NCOA1: variants seen among roughly 807,000 people sequenced by gnomAD.
NCOA1 encodes nuclear receptor coactivator 1.
In NCOA1, 35 loss-of-function variants were observed where a neutral mutation model predicts 150.9. The ratio of observed to expected loss-of-function variants is 0.23; its 90% CI spans 0.18 to 0.31. The LOEUF (loss-of-function observed/expected upper bound fraction) is 0.31, where lower values mean the gene tolerates loss of function less well. NCOA1 is among the 10% of genes least tolerant of loss of function. The pLI, the probability that NCOA1 is intolerant of heterozygous loss-of-function variation, is 1.00. For missense variants in NCOA1, 1,491 were observed against 1,749.3 expected (o/e 0.85, Z 2.63); for synonymous variants, 590 against 630.0 (o/e 0.94, Z 0.95).
intron 2 of NCOA1, among the ~76,000 whole-genome samples, chr2:24,568,213 T>G (rs1490969058): frequency 6.6e-6 from 1 of 152,178 alleles, no homozygotes; most frequent in Non-Finnish European, 1.5e-5. Context: ...AATATGGGAT[T>G]TTGTTGTTTT....
rs904636682 is a variant in NCOA1 at position 24,516,715 on chromosome 2, A to G, written c.-396+25113A>G. Among the ~76,000 whole-genome samples, 41 of 149,838 alleles carry G rather than the reference A, an allele frequency of 2.7e-4. 1 individual carries two copies. The highest frequency in any genetic ancestry group is 9.3e-4 in the African/African-American group (38 of 40,796). ...GACCCTTTTCTCTCCTCTCCCATGTATTAGTATCATCTTTCTCACTTTCTC... is the reference window on the plus strand; with the variant it reads ...GACCCTTTTCTCTCCTCTCCCATGTGTTAGTATCATCTTTCTCACTTTCTC... On this transcript the variant is annotated intron_variant, in intron 1 of 22. Coordinates refer to ENST00000348332, the MANE Select transcript of NCOA1 (RefSeq NM_003743.5).
At position 24,491,521 on chromosome 2, in the gene NCOA1, G is replaced by A. The variant is rs1231897045; in HGVS notation, c.-477G>A. ...AGCCGCGGCGCCGGGCCCGAGGAGC[G>A]GCGGAGGCCGGGGCGGCGCCGCCGC... On this transcript the variant is annotated 5_prime_UTR_variant, in exon 1 of 23. Transcript: ENST00000348332. Among the ~76,000 whole-genome samples, 1 of 147,318 alleles carries A rather than the reference G, an allele frequency of 6.8e-6. No individual in the cohort carries two copies. Among genetic ancestry groups the A allele is most frequent in the Admixed American group, 6.7e-5 (1 of 14,864 alleles).
intron 1 of NCOA1, among the ~76,000 whole-genome samples, chr2:24,551,454 A>G (rs947618779): frequency 6.6e-6 from 1 of 152,172 alleles, no homozygotes; most frequent in Non-Finnish European, 1.5e-5. Flanking sequence ...CAAAAGTTTA[A>G]AATTTTAATA....
In NCOA1 at chr2:24,724,646, AGTAAAATTAGATAC is replaced by A. The variant is rs548034656; in HGVS notation, c.2600-1942_2600-1929del. Among the ~76,000 whole-genome samples, 30 of 152,272 alleles carry A rather than the reference AGTAAAATTAGATAC, an allele frequency of 2.0e-4. No individual in the cohort carries two copies. The South Asian group carries it at 6.2e-3, about 32-fold the overall frequency. On this transcript the variant is annotated intron_variant, in intron 14 of 22. Coordinates refer to ENST00000348332, the MANE Select transcript of NCOA1 (RefSeq NM_003743.5). ...TTTTCTTAACATTTTTTTCAAGACT[AGTAAAATTAGATAC>A]TGTGTCCTATTACTGAGTCAAATAA...
chr2:24,691,334 C>T, intron 8 of NCOA1, 147 bp from the exon 9 acceptor site: 1 of 621,674 alleles, frequency 1.6e-6, no homozygotes, highest in Non-Finnish European at 2.7e-6. Context: ...TCTATTGCCT[C>T]AGGATAATGT....
At chr2:24,750,064 G>C (rs1664138023) in intron 19 of NCOA1, among the ~76,000 whole-genome samples, 1 of 151,686 alleles carries the variant, frequency 6.6e-6, no homozygotes, top group African/African-American at 2.4e-5. Flanking sequence ...AAAAACCCTA[G>C]ATGAGATAAA....
chr2:24,657,809 T>G (rs890110304), intron 4 of NCOA1, among the ~76,000 whole-genome samples: 1 of 152,186 alleles, frequency 6.6e-6, no homozygotes, highest in Admixed American at 6.5e-5. Context: ...TTTCTTTCCT[T>G]TTATAAGGGT....
rs117307068 is a variant in NCOA1, at chr2:24,646,608, A to G, written c.-18+2486A>G. On this transcript the variant is annotated intron_variant, in intron 4 of 22. Coordinates refer to ENST00000348332, the MANE Select transcript of NCOA1 (RefSeq NM_003743.5). Reference sequence around the variant, plus strand: ...GAGTACAGGTCAGCTATTTTGTACAATGGTCCTCATTTCAGGATTGTCTGT... The same window carrying G: ...GAGTACAGGTCAGCTATTTTGTACAGTGGTCCTCATTTCAGGATTGTCTGT... 2.6e-4 allele frequency among the ~76,000 whole-genome samples: 40 copies of G among 152,048 alleles called. No homozygotes were observed. In the East Asian group the frequency reaches 3.7e-3, roughly 14 times the overall value.
At chr2:24,714,605 AG>A (rs1673923823) in intron 14 of NCOA1, among the ~76,000 whole-genome samples, 1 of 152,146 alleles carries the variant, frequency 6.6e-6, no homozygotes, top group South Asian at 2.1e-4. Context: ...CAGGAAAAAA[AG>A]AGCAATAAAC....
intron 2 of NCOA1, among the ~76,000 whole-genome samples, chr2:24,577,041 TTGTTTC>T (rs1667019041): frequency 6.6e-6 from 1 of 152,212 alleles, no homozygotes; most frequent in Non-Finnish European, 1.5e-5. Context: ...AGTTTTTTCT[TTGTTTC>T]TGTTAGTTGC....
intron 1 of NCOA1, among the ~76,000 whole-genome samples, chr2:24,516,822 TTTC>T (rs1217775051): frequency 1.0e-4 from 5 of 49,918 alleles, no homozygotes; most frequent in South Asian, 6.5e-4. Flanking sequence ...TCTATCCAGC[TTTC>T]TTTTTTTTTT....
At chr2:24,574,387 A>G (rs907841714) in intron 2 of NCOA1, among the ~76,000 whole-genome samples, 9 of 152,120 alleles carry the variant, frequency 5.9e-5, no homozygotes, top group African/African-American at 2.2e-4. Context: ...AGATTATAGA[A>G]AAGATGGAAA....
At chr2:24,639,233 A>C (rs1177383930) in intron 3 of NCOA1, among the ~76,000 whole-genome samples, 6 of 152,102 alleles carry the variant, frequency 3.9e-5, no homozygotes, top group Non-Finnish European at 4.4e-5. Flanking sequence ...TTTAATTACA[A>C]ATTTATTTAA....
chr2:24,615,176 G>GA (rs1668819042), intron 3 of NCOA1, among the ~76,000 whole-genome samples: 1 of 152,166 alleles, frequency 6.6e-6, no homozygotes, highest in African/African-American at 2.4e-5. Flanking sequence ...AATATAGCAA[G>GA]AAAAATATAT....
intron 1 of NCOA1, among the ~76,000 whole-genome samples, chr2:24,547,180 A>C (rs903750181): frequency 1.3e-5 from 2 of 152,192 alleles, no homozygotes; most frequent in African/African-American, 2.4e-5. Context: ...TTTATGATTA[A>C]TCCTCTTTAT....
intron 18 of NCOA1, among the ~76,000 whole-genome samples, chr2:24,739,855 G>A (rs979059733): frequency 3.2e-4 from 48 of 152,008 alleles, no homozygotes; most frequent in African/African-American, 1.1e-3. Flanking sequence ...CTGTGTGAAC[G>A]GTACCCGAAA....
intron 12 of NCOA1, among the ~76,000 whole-genome samples, chr2:24,706,080 A>G (rs1241931460): frequency 6.6e-6 from 1 of 152,158 alleles, no homozygotes; most frequent in African/African-American, 2.4e-5. Context: ...TCAGTGACAC[A>G]GTATTTTCCT....
rs1447120352 is a variant in NCOA1, at chr2:24,619,594, A to G, written c.-174-24372A>G. On this transcript the variant is annotated intron_variant, in intron 3 of 22. Transcript: ENST00000348332. ...TTGACTTCATTATGACCTTGAGTTAACCAATAAACTGACTGGTTGGTTAAC... is the reference window on the plus strand; with the variant it reads ...TTGACTTCATTATGACCTTGAGTTAGCCAATAAACTGACTGGTTGGTTAAC... 2.0e-5 allele frequency among the ~76,000 whole-genome samples: 3 copies of G among 152,182 alleles called. No individual in the cohort carries two copies. The East Asian group carries it at 5.8e-4, about 29-fold the overall frequency.
At chr2:24,667,247 G>A (rs1306408536) in intron 6 of NCOA1, among the ~76,000 whole-genome samples, 1 of 152,142 alleles carries the variant, frequency 6.6e-6, no homozygotes, top group Non-Finnish European at 1.5e-5. Flanking sequence ...CCCCTTCCCT[G>A]CTTGGTCTCG....
Sources: allele counts gnomAD v4.1 joint callset (sites outside exome capture counted in the v4.1 genomes callset), GRCh38; gene constraint gnomAD v4.1.1; transcripts MANE v1.5; gene names NCBI Gene and HGNC (gene_info 2026-07-23, HGNC 2026-07-21).